The following UNC13B variants were observed in gnomAD, a reference collection of about 807,000 sequenced individuals.
UNC13B encodes the protein protein unc-13 homolog B.
In UNC13B, 144 loss-of-function variants were observed where a neutral mutation model predicts 211.0. The observed-to-expected ratio is 0.68, with a 90% CI of 0.60 to 0.78. UNC13B has a LOEUF of 0.78. Among genes scored for constraint, UNC13B ranks in the 30% least tolerant of loss-of-function variants. The pLI is 0.00. For missense variants in UNC13B, 1,777 were observed against 2,002.0 expected (o/e 0.89, Z 2.14); for synonymous variants, 709 against 725.8 (o/e 0.98, Z 0.37).
intron 7 of UNC13B, among the ~76,000 whole-genome samples, chr9:35,278,483 CT>C (rs1262769284): frequency 1.3e-5 from 2 of 152,168 alleles, no homozygotes; most frequent in Non-Finnish European, 2.9e-5. Context: ...ACCAGCTGGC[CT>C]CCACTCTGCA....
chr9:35,310,750 CA>C lies in UNC13B; in HGVS notation c.9297del (p.Asp3100ThrfsTer4). 6.2e-7 allele frequency: 1 copy of C among 1,613,780 alleles called. No homozygotes were observed. Among genetic ancestry groups the C allele is most frequent in the Non-Finnish European group, 8.5e-7 (1 of 1,179,914 alleles). On this transcript the variant is annotated frameshift_variant, in exon 10 of 40. Transcript: ENST00000635942. LOFTEE classifies it high-confidence loss of function. ...CCACCCTCCCCCAGATCTGGTGCTGCAAAAAGACCACTTCCTAGGTCCCCAG... is the reference window on the plus strand; with the variant it reads ...CCACCCTCCCCCAGATCTGGTGCTGCAAAAGACCACTTCCTAGGTCCCCAG... ...TTHPPPDLVL[Q>X]KDHFLGPQES...
In UNC13B at chr9:35,276,212, G is replaced by A. The variant is rs186707376; in HGVS notation, c.526+17162G>A. ...TCCCAGCTACATGGGAGGCTGAAGC[G>A]GGAGGATCACTTCAGCCCAGGAAGT... On this transcript the variant is annotated intron_variant, in intron 7 of 39. Coordinates refer to ENST00000635942, the MANE Select transcript of UNC13B (RefSeq NM_001371189.2). 2.6e-4 allele frequency among the ~76,000 whole-genome samples: 39 copies of A among 151,676 alleles called. No homozygotes were observed. In the East Asian group the frequency reaches 5.7e-3, roughly 22 times the overall value.
chr9:35,264,362 G>A (rs1827452921), intron 7 of UNC13B, among the ~76,000 whole-genome samples: 1 of 152,210 alleles, frequency 6.6e-6, no homozygotes, highest in Admixed American at 6.5e-5. Context: ...GATGATCCTT[G>A]TTATAAGGTG....
intron 1 of UNC13B, among the ~76,000 whole-genome samples, chr9:35,200,450 C>G (rs1823214389): frequency 6.6e-6 from 1 of 151,848 alleles, no homozygotes; most frequent in South Asian, 2.1e-4. Flanking sequence ...TCACAATATT[C>G]ATTCTTCCTA....
Position 35,196,914 on chromosome 9 carries a change from G to A in UNC13B, c.23-31101G>A, listed in dbSNP as rs546508322. 3.3e-5 allele frequency among the ~76,000 whole-genome samples: 5 copies of A among 152,050 alleles called. No homozygotes were observed. In the South Asian group the frequency reaches 1.0e-3, roughly 32 times the overall value. Reference sequence around the variant, plus strand: ...GCCTCCAGAGAAGCTGAGACTGCAGGCATGTGCCACCATGCCCAGCTAATT... The same window carrying A: ...GCCTCCAGAGAAGCTGAGACTGCAGACATGTGCCACCATGCCCAGCTAATT... On this transcript the variant is annotated intron_variant, in intron 1 of 39. Coordinates refer to ENST00000635942, the MANE Select transcript of UNC13B (RefSeq NM_001371189.2).
chr9:35,343,305 C>T (rs552548142), intron 11 of UNC13B, among the ~76,000 whole-genome samples: 1 of 152,316 alleles, frequency 6.6e-6, no homozygotes, highest in East Asian at 1.9e-4. Context: ...TCTCTTACTA[C>T]TGTGTGTCCC....
intron 24 of UNC13B, among the ~76,000 whole-genome samples, chr9:35,386,879 C>A (rs985455918): frequency 1.3e-5 from 2 of 152,186 alleles, no homozygotes; most frequent in Non-Finnish European, 2.9e-5. Flanking sequence ...TTCCCAGATC[C>A]TTCTAATAGT....
intron 1 of UNC13B, among the ~76,000 whole-genome samples, chr9:35,195,809 C>T (rs1822902039): frequency 6.6e-6 from 1 of 151,908 alleles, no homozygotes; most frequent in African/African-American, 2.4e-5. Flanking sequence ...GTTTTTTTTC[C>T]TCCCCCTCCT....
chr9:35,175,498 G>A (rs1420008086), intron 1 of UNC13B, among the ~76,000 whole-genome samples: 1 of 152,138 alleles, frequency 6.6e-6, no homozygotes, highest in Non-Finnish European at 1.5e-5. Context: ...AGAGTACAGC[G>A]AGTTTCAAGA....
chr9:35,334,732 A>T (rs1475771353), intron 11 of UNC13B, among the ~76,000 whole-genome samples: 1 of 152,208 alleles, frequency 6.6e-6, no homozygotes, highest in Non-Finnish European at 1.5e-5. Flanking sequence ...GATTTATGGA[A>T]TGAACACTTA....
chr9:35,197,679 C>T (rs142606340), intron 1 of UNC13B, among the ~76,000 whole-genome samples: 5 of 152,208 alleles, frequency 3.3e-5, no homozygotes, highest in South Asian at 2.1e-4. Context: ...GCCATGGGGG[C>T]GGACTTCCCC....
In UNC13B at chr9:35,382,485, G is replaced by A. The variant is rs745913691; in HGVS notation, c.10784G>A (p.Arg3595His). The A allele has an allele frequency of 1.4e-5, 22 of 1,613,254 alleles. No individual in the cohort carries two copies. The highest frequency in any genetic ancestry group is 2.2e-5 in the East Asian group (1 of 44,868). ...TCTACCAATGTCTCTGCATCTGATC[G>A]CTTTGCAGCCTCCAACTTTGGGGTA... Reference protein sequence around the residue: ...TASTNVSASDRFAASNFGKER... With the variant: ...TASTNVSASDHFAASNFGKER... The change falls in exon 21 of 40, where the codon CGC becomes CAC. Residue 3595 changes from arginine (R) to histidine (H), a missense_variant. By Grantham distance (29) the Arg-to-His change is conservative. Transcript: ENST00000635942.
chr9:35,310,814 G>T lies in UNC13B; in HGVS notation c.9323+33G>T, dbSNP rs371000020. 3.8e-6 allele frequency: 6 copies of T among 1,589,024 alleles called. No homozygotes were observed. The African/African-American group carries it at 8.1e-5, about 21-fold the overall frequency. Reference sequence around the variant, plus strand: ...ACAGCTGCCTTGAGGAGCTCACATGGCTTCCTCAGTACCTGCCCTGTGGTA... The same window carrying T: ...ACAGCTGCCTTGAGGAGCTCACATGTCTTCCTCAGTACCTGCCCTGTGGTA... On this transcript the variant is annotated intron_variant, in intron 10 of 39. Transcript: ENST00000635942.
rs752868693 is a variant in UNC13B, at chr9:35,385,777, G to A, written c.10929G>A (p.Val3643=). The A allele has an allele frequency of 6.2e-7, 1 of 1,609,986 alleles. No homozygotes were observed. The highest frequency in any genetic ancestry group is 8.5e-7 in the Non-Finnish European group (1 of 1,176,558). The change falls in exon 23 of 40, where the codon GTG becomes GTA. Residue 3643 remains valine (V), a synonymous_variant. Coordinates refer to ENST00000635942, the MANE Select transcript of UNC13B (RefSeq NM_001371189.2). The stretch of plus-strand genomic sequence containing the variant: ...GGCTTCAGGACTTAAAATCCACAGT[G>A]GATTTGCTGACCAGCATTACTTTCT... ...PERLQDLKST[V]DLLTSITFFR...
chr9:35,399,251 G>A lies in UNC13B; in HGVS notation c.12165G>A (p.Arg4055=). The change falls in exon 34 of 40, where the codon AGG becomes AGA. Residue 4055 remains arginine (R), a synonymous_variant. Coordinates refer to ENST00000635942, the MANE Select transcript of UNC13B (RefSeq NM_001371189.2). ...GCGTGGTGATGAACACAATGGAGAG[G>A]ATGATTGTTCTGCCCCCACTCACTG... ...LWRVVMNTME[R]MIVLPPLTDQ... 1.2e-6 allele frequency: 2 copies of A among 1,614,152 alleles called. No individual in the cohort carries two copies. Among genetic ancestry groups the A allele is most frequent in the Non-Finnish European group, 1.7e-6 (2 of 1,180,032 alleles).
chr9:35,367,089 G>C, intron 12 of UNC13B, 96 bp downstream of exon 12: 1 of 1,254,420 alleles, frequency 8.0e-7, no homozygotes, highest in Non-Finnish European at 1.2e-6. Flanking sequence ...AGCTTCATAA[G>C]CTGCATCCTG....
intron 1 of UNC13B, among the ~76,000 whole-genome samples, chr9:35,181,759 C>G (rs1821952594): frequency 6.6e-6 from 1 of 152,122 alleles, no homozygotes; most frequent in Non-Finnish European, 1.5e-5. Flanking sequence ...ATTGCTTGAA[C>G]CCAGGAGGTG....
At chr9:35,285,071 G>A (rs1183687780) in intron 7 of UNC13B, among the ~76,000 whole-genome samples, 5 of 152,206 alleles carry the variant, frequency 3.3e-5, no homozygotes, top group Admixed American at 3.3e-4. Flanking sequence ...TAGTCAGCCA[G>A]CCTAGGGGAT....
At chr9:35,177,478 C>T (rs921640470) in intron 1 of UNC13B, among the ~76,000 whole-genome samples, 6 of 152,156 alleles carry the variant, frequency 3.9e-5, no homozygotes, top group African/African-American at 1.4e-4. Context: ...TACCAAGCCA[C>T]AATTTTAAAA....
Sources: gnomAD v4.1 joint callset for allele counts (sites outside exome capture counted in the v4.1 genomes callset) on GRCh38, gnomAD v4.1.1 for gene constraint, MANE v1.5 for transcripts, NCBI Gene and HGNC (gene_info 2026-07-23, HGNC 2026-07-21) for gene names.